The following HHIP variants were observed in gnomAD, a reference collection of about 807,000 sequenced individuals.
HHIP encodes the protein hedgehog interacting protein.
Under a neutral mutation model 74.0 loss-of-function variants are expected in HHIP, and 12 were observed. The observed-to-expected ratio is 0.16, with a 90% CI of 0.10 to 0.26. HHIP has a LOEUF of 0.26. Ranked by LOEUF, HHIP falls within the 10% of genes least tolerant of loss-of-function variation. The pLI is 1.00. For missense variants in HHIP, 788 were observed against 845.0 expected (o/e 0.93, Z 0.84); for synonymous variants, 309 against 311.6 (o/e 0.99, Z 0.09).
intron 4 of HHIP, among the ~76,000 whole-genome samples, chr4:144,700,279 C>T (rs1258475985): frequency 2.0e-5 from 3 of 152,152 alleles, no homozygotes; most frequent in Non-Finnish European, 4.4e-5. Context: ...TATATATGAA[C>T]TTCACTGGTC....
rs530192528 is a variant in HHIP, at chr4:144,702,678, GT to G, written c.832-3840del. On this transcript the variant is annotated intron_variant, in intron 4 of 12. Coordinates refer to ENST00000296575, the MANE Select transcript of HHIP (RefSeq NM_022475.3). ...TGGATGAGGTTCAAGTCAGTAAGTT[GT>G]TTTTTTTTTTTTAAAGCATTACCAA... Among the ~76,000 whole-genome samples the G allele has an allele frequency of 6.7e-3, 945 of 141,902 alleles. 5 individuals carry two copies. The highest frequency in any genetic ancestry group is 0.02 in the African/African-American group (780 of 38,928). 93.1% of individuals were successfully genotyped at this position (141,902 alleles called of 152,430 possible).
intron 7 of HHIP, among the ~76,000 whole-genome samples, chr4:144,710,355 C>T (rs992161655): frequency 2.6e-5 from 4 of 152,150 alleles, no homozygotes; most frequent in African/African-American, 9.7e-5. Context: ...AATCATTGAA[C>T]TAGAGAGGAC....
At chr4:144,658,427 T>C (rs1323893230) in intron 2 of HHIP, among the ~76,000 whole-genome samples, 2 of 151,932 alleles carry the variant, frequency 1.3e-5, no homozygotes, top group African/African-American at 2.4e-5. Context: ...TAGAGTGCAG[T>C]GGTGTGTTCT....
intron 7 of HHIP, among the ~76,000 whole-genome samples, chr4:144,711,304 G>A (rs574614755): frequency 7.9e-5 from 12 of 152,270 alleles, no homozygotes; most frequent in African/African-American, 2.9e-4. Flanking sequence ...ACAGAGATGA[G>A]TTGATGGTAA....
intron 4 of HHIP, among the ~76,000 whole-genome samples, chr4:144,706,266 A>C (rs1302797098): frequency 6.6e-6 from 1 of 152,170 alleles, no homozygotes; most frequent in African/African-American, 2.4e-5. Context: ...CCAAGATTAC[A>C]TACACAAATC....
At chr4:144,700,681 T>C (rs756691309) in intron 4 of HHIP, among the ~76,000 whole-genome samples, 3 of 152,194 alleles carry the variant, frequency 2.0e-5, no homozygotes, top group Non-Finnish European at 4.4e-5. Context: ...TGCAGATGGC[T>C]TCCATAATTG....
chr4:144,721,803 T>C, intron 11 of HHIP, among the ~76,000 whole-genome samples: 1 of 151,328 alleles, frequency 6.6e-6, no homozygotes, highest in Non-Finnish European at 1.5e-5. Context: ...CTCAGTAGGC[T>C]GAGGCAGGAG....
chr4:144,672,613 T>C (rs1186246468), intron 4 of HHIP, among the ~76,000 whole-genome samples: 1 of 152,306 alleles, frequency 6.6e-6, no homozygotes, highest in Non-Finnish European at 1.5e-5. Flanking sequence ...CTGAGTGAGA[T>C]GAGTGAGATG....
chr4:144,711,757 C>T (rs1338647399), intron 7 of HHIP, among the ~76,000 whole-genome samples, 193 bp from the exon 8 acceptor site: 2 of 152,132 alleles, frequency 1.3e-5, no homozygotes, highest in Non-Finnish European at 2.9e-5. Context: ...GAAATATATT[C>T]CAGAGATTAA....
chr4:144,647,057 T>C (rs920155651), intron 1 of HHIP, 103 bp downstream of exon 1: 2 of 960,318 alleles, frequency 2.1e-6, no homozygotes, highest in African/African-American at 3.3e-5. Flanking sequence ...TCAAAACTTC[T>C]TTGGGGGAGT....
chr4:144,662,213 T>C (rs1356720886), intron 4 of HHIP, among the ~76,000 whole-genome samples: 2 of 152,228 alleles, frequency 1.3e-5, no homozygotes, highest in Non-Finnish European at 2.9e-5. Flanking sequence ...TGACCTTTTT[T>C]AAGGCCAAGA....
intron 4 of HHIP, among the ~76,000 whole-genome samples, chr4:144,675,383 A>G (rs1729144106): frequency 6.6e-6 from 1 of 152,132 alleles, no homozygotes; most frequent in African/African-American, 2.4e-5. Context: ...TGTCTTCATT[A>G]CGAGAAAGTT....
At chr4:144,717,710 TAG>T (rs1443527366) in intron 10 of HHIP, among the ~76,000 whole-genome samples, 27 of 152,260 alleles carry the variant, frequency 1.8e-4, no homozygotes, top group Admixed American at 3.9e-4. Flanking sequence ...AGTTAGAGTT[TAG>T]AGAGTTGAGA....
intron 11 of HHIP, among the ~76,000 whole-genome samples, chr4:144,732,204 G>A (rs371411469): frequency 1.1e-4 from 17 of 152,178 alleles, no homozygotes; most frequent in African/African-American, 3.6e-4. Flanking sequence ...CAGTTTAAAA[G>A]AGAGAGGATT....
rs1285609432 is a variant in HHIP at position 144,742,180 on chromosome 4, T to A, written c.*4223T>A. ...AGACATGTTCTCAATACACCCATGTTGAAGGTATCCTGGGCTAGATTGCTG... is the reference window on the plus strand; with the variant it reads ...AGACATGTTCTCAATACACCCATGTAGAAGGTATCCTGGGCTAGATTGCTG... On this transcript the variant is annotated 3_prime_UTR_variant, in exon 13 of 13. Transcript: ENST00000296575. 1.3e-5 allele frequency: 2 copies of A among 152,184 alleles called. No individual in the cohort carries two copies. The highest frequency in any genetic ancestry group is 1.3e-4 in the Admixed American group (2 of 15,286). 9.4% of individuals were successfully genotyped at this position (152,184 alleles called of 1,614,324 possible). A position where few individuals can be genotyped will look rare whatever the true frequency, so the allele number is the denominator to read the frequency against.
At chr4:144,684,838 G>A (rs774636260) in intron 4 of HHIP, among the ~76,000 whole-genome samples, 5 of 152,038 alleles carry the variant, frequency 3.3e-5, no homozygotes, top group Admixed American at 6.6e-5. Flanking sequence ...AACTCTAAAT[G>A]ACTTGTGTAG....
At position 144,742,962 on chromosome 4, in the gene HHIP, A is replaced by ATCTTT. The variant is rs1560729069; in HGVS notation, c.*5005_*5006insTCTTT. The ATCTTT allele has an allele frequency of 3.1e-3, 14 of 4,518 alleles. No individual in the cohort carries two copies. The highest frequency in any genetic ancestry group is 0.01 in the Admixed American group (1 of 100). The allele number at this position is 4,518 out of a possible 1,614,324, so 0.3% of individuals were successfully genotyped here. On this transcript the variant is annotated 3_prime_UTR_variant, in exon 13 of 13. Transcript: ENST00000296575. The stretch of plus-strand genomic sequence containing the variant: ...TCTTATATATATATCTTATACATAT[A>ATCTTT]AGATATATGTATATATATATACATT...
At chr4:144,714,085 A>G in intron 8 of HHIP, 140 bp from the exon 9 acceptor site, 4 of 673,714 alleles carry the variant, frequency 5.9e-6, no homozygotes, top group Non-Finnish European at 1.0e-5. Flanking sequence ...TTTTCATTAA[A>G]TAGCTCTAGC....
chr4:144,650,648 T>C (rs992010500), intron 1 of HHIP: 1 of 152,080 alleles, frequency 6.6e-6, no homozygotes, highest in Non-Finnish European at 1.5e-5. Context: ...GCTCTATCTA[T>C]CTTCAAATAG....
Sources: gnomAD v4.1 joint callset for allele counts (sites outside exome capture counted in the v4.1 genomes callset) on GRCh38, gnomAD v4.1.1 for gene constraint, MANE v1.5 for transcripts, NCBI Gene and HGNC (gene_info 2026-07-23, HGNC 2026-07-21) for gene names.